Variants in TSPAN11 observed in about 807,000 individuals in gnomAD.
TSPAN11 encodes tetraspanin 11.
Under a neutral mutation model 32.9 loss-of-function variants are expected in TSPAN11, and 29 were observed. The ratio of observed to expected loss-of-function variants is 0.88; its 90% CI spans 0.66 to 1.20. The LOEUF (loss-of-function observed/expected upper bound fraction) is 1.20. TSPAN11 is among the 50% of genes most tolerant of loss of function. The pLI is 0.00. For missense variants in TSPAN11, 283 were observed against 329.1 expected (o/e 0.86, Z 1.08); for synonymous variants, 140 against 141.3 (o/e 0.99, Z 0.07).
chr12:30,966,840 C>G (rs1565797761), intron 3 of TSPAN11, among the ~76,000 whole-genome samples: 1 of 152,230 alleles, frequency 6.6e-6, no homozygotes, highest in East Asian at 1.9e-4. Context: ...ACCCTAGAAG[C>G]CTCAGGCATC....
chr12:31,003,763 A>G, the TSPAN11 span, among the ~76,000 whole-genome samples: 1 of 151,764 alleles, frequency 6.6e-6, no homozygotes, highest in Non-Finnish European at 1.5e-5. Context: ...GACCGGCCAG[A>G]GGACTAGGGA....
At chr12:30,947,570 G>A (rs1938294210) in intron 1 of TSPAN11, among the ~76,000 whole-genome samples, 1 of 152,176 alleles carries the variant, frequency 6.6e-6, no homozygotes, top group Middle Eastern at 3.2e-3. Context: ...GAAAATGAGA[G>A]AGAAGCAAGA....
chr12:30,984,373 G>A (rs1939157487), intron 7 of TSPAN11, among the ~76,000 whole-genome samples: 1 of 152,130 alleles, frequency 6.6e-6, no homozygotes, highest in Non-Finnish European at 1.5e-5. Context: ...GTCTAAGAAT[G>A]AGGCGATGCC....
intron 1 of TSPAN11, among the ~76,000 whole-genome samples, chr12:30,934,247 C>T (rs1237977801): frequency 6.6e-6 from 1 of 152,260 alleles, no homozygotes; most frequent in African/African-American, 2.4e-5. Context: ...GGGCAGAGCA[C>T]AGCCAACCAG....
At chr12:30,982,815 G>A (rs1471011200) in intron 6 of TSPAN11, 125 bp downstream of exon 6, 19 of 1,369,356 alleles carry the variant, frequency 1.4e-5, no homozygotes, top group South Asian at 8.8e-5. Flanking sequence ...CCTTGGCCAC[G>A]AGCCCACAGT....
the TSPAN11 span, among the ~76,000 whole-genome samples, chr12:31,007,008 A>G: frequency 1.3e-5 from 2 of 152,158 alleles, no homozygotes; most frequent in Admixed American, 6.5e-5. Flanking sequence ...CACTGCCCAT[A>G]GCCGTTCATA....
rs919889468 is a variant in TSPAN11, at chr12:30,992,295, C to T, written c.*380C>T. On this transcript the variant is annotated 3_prime_UTR_variant, in exon 8 of 8. Transcript: ENST00000546076. The stretch of plus-strand genomic sequence containing the variant: ...GGCAGAAAACCCAGGAACCCCGGCA[C>T]TCCTGCATTCAGCACGGGATTCCCC... The T allele has an allele frequency of 5.0e-5, 15 of 297,658 alleles. 1 individual carries two copies. Among genetic ancestry groups the T allele is most frequent in the Middle Eastern group, 2.2e-3 (2 of 892 alleles). The allele number at this position is 297,658 out of a possible 1,614,324, so 18.4% of individuals were successfully genotyped here.
downstream of TSPAN11, among the ~76,000 whole-genome samples, chr12:30,997,832 G>C (rs924063282): frequency 6.6e-6 from 1 of 152,158 alleles, no homozygotes; most frequent in African/African-American, 2.4e-5. Context: ...GAACCCAATA[G>C]GGCCCTGCCA....
intron 3 of TSPAN11, among the ~76,000 whole-genome samples, chr12:30,971,868 CAGAG>C (rs1424475120): frequency 6.6e-6 from 1 of 151,322 alleles, no homozygotes; most frequent in East Asian, 1.9e-4. Flanking sequence ...TGGTTTGGTT[CAGAG>C]AGTACTATGC....
At chr12:30,977,248 G>A (rs368370472) in intron 3 of TSPAN11, among the ~76,000 whole-genome samples, 11 of 152,192 alleles carry the variant, frequency 7.2e-5, no homozygotes, top group African/African-American at 2.4e-4. Flanking sequence ...CCATGGATTA[G>A]CATTGCCTCT....
chr12:30,981,527 C>T (rs746046736), intron 5 of TSPAN11, among the ~76,000 whole-genome samples: 6 of 151,474 alleles, frequency 4.0e-5, no homozygotes, highest in East Asian at 1.9e-4. Flanking sequence ...GTGCAGTTCC[C>T]GCGTGACTCC....
intron 1 of TSPAN11, among the ~76,000 whole-genome samples, chr12:30,950,979 A>G (rs1261237499): frequency 6.6e-6 from 1 of 152,252 alleles, no homozygotes; most frequent in East Asian, 1.9e-4. Context: ...TATATGAAGC[A>G]AAAATTAACA....
the TSPAN11 span, among the ~76,000 whole-genome samples, chr12:31,010,390 T>A: frequency 6.9e-4 from 105 of 152,320 alleles, 1 homozygote; most frequent in African/African-American, 2.5e-3. Context: ...TGGATATAAA[T>A]CAGAATCATT....
intron 1 of TSPAN11, among the ~76,000 whole-genome samples, chr12:30,946,996 C>A (rs1192257641): frequency 6.6e-6 from 1 of 152,192 alleles, no homozygotes; most frequent in Non-Finnish European, 1.5e-5. Context: ...AAATAACCTA[C>A]TTAGGAAGGC....
At chr12:30,948,552 C>T (rs1001037087) in intron 1 of TSPAN11, among the ~76,000 whole-genome samples, 3 of 152,228 alleles carry the variant, frequency 2.0e-5, no homozygotes, top group Non-Finnish European at 2.9e-5. Context: ...TCTGAAGCCA[C>T]AGCCCGAGCT....
chr12:30,967,470 A>G (rs1456315584), intron 3 of TSPAN11, among the ~76,000 whole-genome samples: 2 of 152,246 alleles, frequency 1.3e-5, no homozygotes, highest in Non-Finnish European at 2.9e-5. Context: ...AGAGGGGCAC[A>G]GCAGCTGTTG....
chr12:30,941,718 G>C (rs1233454341), intron 1 of TSPAN11, among the ~76,000 whole-genome samples: 1 of 152,220 alleles, frequency 6.6e-6, no homozygotes, highest in Non-Finnish European at 1.5e-5. Flanking sequence ...TAGCCCTGCT[G>C]GGATGGCAGA....
At position 30,995,735 on chromosome 12, in the gene TSPAN11, C is replaced by T. The variant is rs1251651607; in HGVS notation, c.*3820C>T. ...GGGTATAGTGACCAAGCGTCTAAAC[C>T]AGTCGTTCTCAAACTTCGGTGAGTA... On this transcript the variant is annotated 3_prime_UTR_variant, in exon 8 of 8. Coordinates refer to ENST00000546076, the MANE Select transcript of TSPAN11 (RefSeq NM_001370302.1). 1 of 152,114 alleles carries T rather than the reference C, an allele frequency of 6.6e-6. No individual in the cohort carries two copies. The highest frequency in any genetic ancestry group is 1.9e-4 in the East Asian group (1 of 5,172). 9.4% of individuals were successfully genotyped at this position (152,114 alleles called of 1,614,324 possible). A position where few individuals can be genotyped will look rare whatever the true frequency, so the allele number is the denominator to read the frequency against.
intron 1 of TSPAN11, among the ~76,000 whole-genome samples, chr12:30,951,553 G>A (rs576596112): frequency 1.3e-5 from 2 of 152,220 alleles, no homozygotes; most frequent in Admixed American, 6.5e-5. Flanking sequence ...TCTAAACCTC[G>A]ATTATATTAT....
Sources: gnomAD v4.1 joint callset for allele counts (sites outside exome capture counted in the v4.1 genomes callset) on GRCh38, gnomAD v4.1.1 for gene constraint, MANE v1.5 for transcripts, NCBI Gene and HGNC (gene_info 2026-07-23, HGNC 2026-07-21) for gene names.